The following NFIX variants were observed in gnomAD, a reference collection of about 807,000 sequenced individuals.
The protein encoded by NFIX is nuclear factor 1 X-type.
In NFIX, 2 loss-of-function variants were observed where a neutral mutation model predicts 53.3. That is an observed-to-expected ratio of 0.04 (90% CI 0.02 to 0.12). NFIX has a LOEUF of 0.12. NFIX is among the 10% of genes least tolerant of loss of function. The probability of loss-of-function intolerance (pLI) is 1.00; values close to 1 mark genes in which losing one functional copy is unlikely to be tolerated. For missense variants in NFIX, 310 were observed against 674.5 expected, an observed-to-expected ratio of 0.46 and a Z score of 5.99; for synonymous variants, 244 against 289.0, an observed-to-expected ratio of 0.84 and a Z score of 1.58.
intron 2 of NFIX, among the ~76,000 whole-genome samples, chr19:13,029,265 A>G (rs943580270): frequency 3.3e-5 from 5 of 152,218 alleles, no homozygotes; most frequent in Non-Finnish European, 5.9e-5. Context: ...GCACATCTCT[A>G]AAGATACGGA....
At chr19:13,076,084 GC>G (rs1255115585) in intron 6 of NFIX, among the ~76,000 whole-genome samples, 1 of 152,150 alleles carries the variant, frequency 6.6e-6, no homozygotes, top group Non-Finnish European at 1.5e-5. Context: ...ATGTTTAGCA[GC>G]ATCCCTGGCC....
chr19:13,073,208 C>T lies in NFIX; in HGVS notation c.622+99C>T, dbSNP rs992788197. On this transcript the variant is annotated intron_variant, in intron 3 of 10. Coordinates refer to ENST00000592199, the MANE Select transcript of NFIX (RefSeq NM_001365902.3). The surrounding 1 kb of genome is among the most constrained non-coding windows in gnomAD (Gnocchi z 4.5). ...CTGGCCACCCTCACTTCTTCCCCTT[C>T]ATTCAGCTGTCCCTTGACTGAGCTT... The T allele has an allele frequency of 4.2e-6, 5 of 1,201,662 alleles. No individual in the cohort carries two copies. The highest frequency in any genetic ancestry group is 6.2e-6 in the Non-Finnish European group (5 of 805,262). The allele number at this position is 1,201,662 out of a possible 1,614,324, so 74.4% of individuals were successfully genotyped here. A position where few individuals can be genotyped will look rare whatever the true frequency, so the allele number is the denominator to read the frequency against.
intron 2 of NFIX, among the ~76,000 whole-genome samples, chr19:13,061,201 A>G (rs544009338): frequency 6.6e-6 from 1 of 151,504 alleles, no homozygotes; most frequent in East Asian, 2.0e-4. Context: ...CAAGCTATGC[A>G]CCTGGCAGGT....
rs539619720 is a variant in NFIX at position 13,094,972 on chromosome 19, C to A, written c.*323C>A. ...AGGATGCAGAACTGCCTTCCTCCCCCTGACCCCGCCCCGGCCTTCTGGGGA... is the reference window on the plus strand; with the variant it reads ...AGGATGCAGAACTGCCTTCCTCCCCATGACCCCGCCCCGGCCTTCTGGGGA... On this transcript the variant is annotated 3_prime_UTR_variant, in exon 11 of 11. Coordinates refer to ENST00000592199, the MANE Select transcript of NFIX (RefSeq NM_001365902.3). The surrounding 1 kb of genome is among the most constrained non-coding windows in gnomAD (Gnocchi z 4.3). 12 of 327,122 alleles carry A rather than the reference C, an allele frequency of 3.7e-5. No homozygotes were observed. The East Asian group carries it at 4.6e-4, about 12-fold the overall frequency. The allele number at this position is 327,122 out of a possible 1,614,324, so 20.3% of individuals were successfully genotyped here.
At position 13,066,190 on chromosome 19, in the gene NFIX, G is replaced by A. The variant is rs1321410761; in HGVS notation, c.560-6857G>A. On this transcript the variant is annotated intron_variant, in intron 2 of 10. Coordinates refer to ENST00000592199, the MANE Select transcript of NFIX (RefSeq NM_001365902.3). The surrounding 1 kb of genome is among the most constrained non-coding windows in gnomAD (Gnocchi z 4.2). The stretch of plus-strand genomic sequence containing the variant: ...TCCCGAAGCCTTACTGCCGAGCTGT[G>A]AGTCCTGTAGTAGCCAGGCCTGGCA... Among the ~76,000 whole-genome samples the A allele has an allele frequency of 1.3e-5, 2 of 152,180 alleles. No individual in the cohort carries two copies. Among genetic ancestry groups the A allele is most frequent in the African/African-American group, 2.4e-5 (1 of 41,432 alleles).
chr19:13,007,113 C>G (rs2012062780), intron 1 of NFIX, among the ~76,000 whole-genome samples: 1 of 152,126 alleles, frequency 6.6e-6, no homozygotes, highest in Non-Finnish European at 1.5e-5. Context: ...CGGTTCGCTC[C>G]CTCCCTTCCT....
intron 1 of NFIX, among the ~76,000 whole-genome samples, chr19:12,997,582 C>T (rs1028613036): frequency 9.8e-5 from 15 of 152,346 alleles, no homozygotes; most frequent in Middle Eastern, 3.4e-3. Flanking sequence ...TGAGCTGGGC[C>T]TCTTTGGTGC....
At chr19:13,018,266 G>A (rs2012769444) in intron 1 of NFIX, among the ~76,000 whole-genome samples, 1 of 149,074 alleles carries the variant, frequency 6.7e-6, no homozygotes, top group African/African-American at 2.5e-5. Flanking sequence ...GAGCCAGAAC[G>A]AGGCTGCCTG....
intron 1 of NFIX, among the ~76,000 whole-genome samples, chr19:13,010,272 G>A (rs1401043715): frequency 6.6e-6 from 1 of 152,184 alleles, no homozygotes; most frequent in Admixed American, 6.5e-5. Flanking sequence ...GGCGGCCCTC[G>A]CGCACGTGGT....
intron 1 of NFIX, among the ~76,000 whole-genome samples, chr19:13,020,962 C>A (rs553988091): frequency 6.6e-6 from 1 of 152,100 alleles, no homozygotes; most frequent in Non-Finnish European, 1.5e-5. Context: ...GCACTGTGGT[C>A]TGTGAAGTGG....
chr19:13,031,530 C>T (rs910919294), intron 2 of NFIX, among the ~76,000 whole-genome samples: 6 of 152,204 alleles, frequency 3.9e-5, no homozygotes, highest in African/African-American at 1.4e-4. Context: ...ACTTAGTCAA[C>T]TTACTGTGAG....
In NFIX at chr19:13,078,482, G is replaced by GGGA; in HGVS notation, c.956-129_956-127dup. 8.3e-7 allele frequency: 1 copy of GGGA among 1,198,744 alleles called. No individual in the cohort carries two copies. Among genetic ancestry groups the GGGA allele is most frequent in the Non-Finnish European group, 1.2e-6 (1 of 857,872 alleles). The allele number at this position is 1,198,744 out of a possible 1,614,324, so 74.3% of individuals were successfully genotyped here. On this transcript the variant is annotated intron_variant, in intron 6 of 10. Coordinates refer to ENST00000592199, the MANE Select transcript of NFIX (RefSeq NM_001365902.3). The surrounding 1 kb of genome is among the most constrained non-coding windows in gnomAD (Gnocchi z 4.7). ...TGGGACTGGGCAAGGAGCAGCAGGA[G>GGGA]GGAGCACAGTGGAGGAAGGGGCAGT...
At position 13,078,706 on chromosome 19, in the gene NFIX, C is replaced by T. The variant is rs1223309498; in HGVS notation, c.1049C>T (p.Pro350Leu). The T allele has an allele frequency of 1.2e-6, 2 of 1,600,376 alleles. No homozygotes were observed. Among genetic ancestry groups the T allele is most frequent in the Non-Finnish European group, 1.7e-6 (2 of 1,173,810 alleles). ...SSPRMAFTHHPLPVLAGVRPG... is the reference protein window; with the variant it reads ...SSPRMAFTHHLLPVLAGVRPG... ...CCGCGCATGGCTTTCACCCACCACC[C>T]GCTGCCTGTGCTTGCTGGAGTCAGA... is the stretch of plus-strand genomic sequence containing the variant. The change falls in exon 7 of 11, where the codon CCG becomes CTG. Residue 350 changes from proline (P) to leucine (L), a missense_variant. Around this residue, in one of 5 missense-constraint regions of NFIX, gnomAD observed 164 missense variants for 284.4 expected, o/e 0.58. Coordinates refer to ENST00000592199, the MANE Select transcript of NFIX (RefSeq NM_001365902.3). This position sits in a 1 kb window ranked among gnomAD's most constrained non-coding sequence, Gnocchi z 4.7.
chr19:13,018,506 C>G (rs1184156082), intron 1 of NFIX, among the ~76,000 whole-genome samples: 1 of 152,154 alleles, frequency 6.6e-6, no homozygotes, highest in Non-Finnish European at 1.5e-5. Context: ...AAAACAGGCC[C>G]AAGTCAGCCA....
chr19:13,065,905 A>G (rs138363372), intron 2 of NFIX, among the ~76,000 whole-genome samples: 38 of 152,228 alleles, frequency 2.5e-4, no homozygotes, highest in African/African-American at 4.6e-4. Flanking sequence ...TGGGAGTTCT[A>G]TTGTTTTCCT....
chr19:13,044,197 G>A (rs1324622388), intron 2 of NFIX, among the ~76,000 whole-genome samples: 1 of 152,162 alleles, frequency 6.6e-6, no homozygotes, highest in Admixed American at 6.5e-5. Flanking sequence ...AGTGGATGTG[G>A]GTAGTTGTGT....
rs1418064384 is a variant in NFIX, at chr19:13,022,436, G to A, written c.28-2585G>A. Among the ~76,000 whole-genome samples, 1 of 152,054 alleles carries A rather than the reference G, an allele frequency of 6.6e-6. No individual in the cohort carries two copies. On this transcript the variant is annotated intron_variant, in intron 1 of 10. Coordinates refer to ENST00000592199, the MANE Select transcript of NFIX (RefSeq NM_001365902.3). This position sits in a 1 kb window ranked among gnomAD's most constrained non-coding sequence, Gnocchi z 4.5. ...GCCAGACCTGGGGGCATCACAAGGT[G>A]GCAGTACCCTGGGCACCAGATCCCT...
rs192801520 is a variant in NFIX, at chr19:13,074,930, C to T, written c.819-605C>T. ...TAAAAAATACAAAAAATTAGCCAGG[C>T]GTGGTGGTGGGCACCTGTAGTCCCA... On this transcript the variant is annotated intron_variant, in intron 5 of 10. Coordinates refer to ENST00000592199, the MANE Select transcript of NFIX (RefSeq NM_001365902.3). Among the ~76,000 whole-genome samples the T allele has an allele frequency of 2.5e-3, 379 of 151,372 alleles. 3 individuals carry two copies. Among genetic ancestry groups the T allele is most frequent in the African/African-American group, 8.4e-3 (346 of 41,254 alleles).
In NFIX at chr19:13,075,472, C is replaced by G. The variant is rs779585672; in HGVS notation, c.819-63C>G. 7.4e-4 allele frequency: 1,166 copies of G among 1,581,704 alleles called. 1 individual carries two copies. The highest frequency in any genetic ancestry group is 2.0e-3 in the Middle Eastern group (12 of 6,006). Reference sequence around the variant, plus strand: ...TATGCACAGTTCTTTAGCCTGGACTCTTGGTCACTCCCTGGAGCCTCAGCC... The same window carrying G: ...TATGCACAGTTCTTTAGCCTGGACTGTTGGTCACTCCCTGGAGCCTCAGCC... On this transcript the variant is annotated intron_variant, in intron 5 of 10. Transcript: ENST00000592199.
Sources: gnomAD v4.1 joint callset for allele counts (sites outside exome capture counted in the v4.1 genomes callset) on GRCh38, gnomAD v4.1.1 for gene constraint, gnomAD v4.1.1 regional missense constraint, Gnocchi (gnomAD v3.1) non-coding constraint, MANE v1.5 for transcripts, NCBI Gene and HGNC (gene_info 2026-07-23, HGNC 2026-07-21) for gene names.